Variants in MSH3 observed in about 807,000 individuals in gnomAD.
MSH3 encodes mutS homolog 3, also known as DNA mismatch repair protein Msh3.
In MSH3, 106 loss-of-function variants were observed where a neutral mutation model predicts 123.3. The observed-to-expected ratio is 0.86, with a 90% CI of 0.73 to 1.01. MSH3 has a LOEUF of 1.01. MSH3 is among the 50% of genes least tolerant of loss of function. The pLI, the probability that MSH3 is intolerant of heterozygous loss-of-function variation, is 0.00. For synonymous variants in MSH3, 515 were observed against 481.4 expected (o/e 1.07, Z -0.91); for missense variants, 1,459 against 1,347.6 (o/e 1.08, Z -1.29).
chr5:80,861,057 G>A (rs1311497871), intron 21 of MSH3, among the ~76,000 whole-genome samples: 3 of 152,082 alleles, frequency 2.0e-5, no homozygotes, highest in Non-Finnish European at 4.4e-5. Context: ...TTGCCCATCT[G>A]TTATTGCATG....
At chr5:80,823,238 A>C (rs887227868) in intron 20 of MSH3, among the ~76,000 whole-genome samples, 2 of 152,206 alleles carry the variant, frequency 1.3e-5, no homozygotes, top group African/African-American at 2.4e-5. Flanking sequence ...TAAATTTTTA[A>C]ATTTCTAAAA....
At position 80,761,698 on chromosome 5, in the gene MSH3, A is replaced by C. The variant is rs745554144; in HGVS notation, c.1896+20A>C. On this transcript the variant is annotated intron_variant, in intron 13 of 23. Coordinates refer to ENST00000265081, the MANE Select transcript of MSH3 (RefSeq NM_002439.5). ...AAAAAAGTAAGTGTGATAGAAATCT[A>C]TTAAAGCTGACAGTGTTCTTCAGCT... 1 of 1,613,962 alleles carries C rather than the reference A, an allele frequency of 6.2e-7. No individual in the cohort carries two copies. Among genetic ancestry groups the C allele is most frequent in the East Asian group, 2.2e-5 (1 of 44,852 alleles).
chr5:80,779,254 A>G (rs535869253), intron 17 of MSH3, among the ~76,000 whole-genome samples: 22 of 152,208 alleles, frequency 1.4e-4, no homozygotes, highest in Admixed American at 1.4e-3. Flanking sequence ...CAGCCTCCCA[A>G]AGTGCTGGGA....
intron 8 of MSH3, among the ~76,000 whole-genome samples, chr5:80,690,238 C>G (rs1490232010): frequency 6.6e-6 from 1 of 152,130 alleles, no homozygotes; most frequent in Non-Finnish European, 1.5e-5. Context: ...CTTTTTCTTT[C>G]TTCAAACCAC....
intron 12 of MSH3, among the ~76,000 whole-genome samples, chr5:80,750,078 AGTGT>A (rs57762095): frequency 4.8e-4 from 65 of 134,258 alleles, no homozygotes; most frequent in Admixed American, 7.5e-4. Flanking sequence ...AGTATTCCAG[AGTGT>A]GTGTGTGTGT....
intron 19 of MSH3, among the ~76,000 whole-genome samples, chr5:80,808,284 A>G (rs1452045339): frequency 6.6e-6 from 1 of 152,144 alleles, no homozygotes; most frequent in Non-Finnish European, 1.5e-5. Flanking sequence ...GTGATCTGCC[A>G]ATGACAGTTT....
chr5:80,700,171 G>A (rs1413134303), intron 8 of MSH3, among the ~76,000 whole-genome samples: 5 of 152,158 alleles, frequency 3.3e-5, no homozygotes, highest in Admixed American at 1.3e-4. Flanking sequence ...CTTGAGGTCC[G>A]GAGTTCAAGG....
At chr5:80,720,764 T>C (rs1244997129) in intron 8 of MSH3, among the ~76,000 whole-genome samples, 4 of 152,186 alleles carry the variant, frequency 2.6e-5, no homozygotes, top group African/African-American at 9.6e-5. Context: ...TGGGTCCTTT[T>C]CTATTACTCA....
intron 8 of MSH3, among the ~76,000 whole-genome samples, chr5:80,724,934 G>T (rs1743243000): frequency 6.6e-6 from 1 of 152,082 alleles, no homozygotes; most frequent in East Asian, 1.9e-4. Context: ...AAAGTACTTG[G>T]CCAGGCGCAG....
At chr5:80,717,560 AT>A (rs767851566) in intron 8 of MSH3, among the ~76,000 whole-genome samples, 2 of 152,112 alleles carry the variant, frequency 1.3e-5, no homozygotes, top group Non-Finnish European at 2.9e-5. Context: ...TAGTAGGTCT[AT>A]TTTAAGTTTT....
intron 19 of MSH3, among the ~76,000 whole-genome samples, chr5:80,794,940 A>G (rs1322570747): frequency 6.6e-6 from 1 of 152,194 alleles, no homozygotes; most frequent in Non-Finnish European, 1.5e-5. Flanking sequence ...CCCAAATGAG[A>G]GAGCTGCAGG....
intron 20 of MSH3, among the ~76,000 whole-genome samples, chr5:80,819,783 G>T (rs556345256): frequency 6.6e-6 from 1 of 152,136 alleles, no homozygotes; most frequent in South Asian, 2.1e-4. Context: ...CACTGCGCCC[G>T]GCCAAAAACA....
chr5:80,672,819 T>C lies in MSH3; in HGVS notation c.988T>C (p.Leu330=), dbSNP rs776070993. 2 of 1,613,132 alleles carry C rather than the reference T, an allele frequency of 1.2e-6. No homozygotes were observed. The highest frequency in any genetic ancestry group is 1.7e-6 in the Non-Finnish European group (2 of 1,179,652). The change falls in exon 6 of 24, where the codon TTG becomes CTG. Residue 330 remains leucine, a synonymous_variant. Coordinates refer to ENST00000265081, the MANE Select transcript of MSH3 (RefSeq NM_002439.5). ...CAGAAGTTCACTCTTTTCCCGGAAA[T>C]TGACTGCCCTTTATACAAAATCTAC... The part of the protein sequence containing the change: ...DNRSSLFSRK[L]TALYTKSTLI...
At chr5:80,846,436 A>C (rs182738082) in intron 20 of MSH3, among the ~76,000 whole-genome samples, 1 of 152,022 alleles carries the variant, frequency 6.6e-6, no homozygotes, top group Non-Finnish European at 1.5e-5. Context: ...TGCTGTCTTC[A>C]TAGTTGTCAG....
chr5:80,777,792 CAAA>C lies in MSH3; in HGVS notation c.2319-923_2319-921del, dbSNP rs367551131. Among the ~76,000 whole-genome samples, 1,336 of 151,890 alleles carry C rather than the reference CAAA, an allele frequency of 8.8e-3. 6 individuals are homozygous for C. The highest frequency in any genetic ancestry group is 0.045 in the Middle Eastern group (13 of 292). On this transcript the variant is annotated intron_variant, in intron 16 of 23. Transcript: ENST00000265081. ...ACAGTGTATTACAAGAGTTGGGGAG[CAAA>C]AAAAGACCAGACACCTTGACCTTTT...
chr5:80,702,044 A>G (rs1364270279), intron 8 of MSH3, among the ~76,000 whole-genome samples: 1 of 152,170 alleles, frequency 6.6e-6, no homozygotes, highest in Non-Finnish European at 1.5e-5. Flanking sequence ...ACCCTCTGAT[A>G]CTTGATTTTG....
intron 10 of MSH3, among the ~76,000 whole-genome samples, chr5:80,732,565 A>G (rs1429952110): frequency 2.6e-5 from 4 of 152,170 alleles, no homozygotes; most frequent in African/African-American, 9.6e-5. Flanking sequence ...CCAAATTTCA[A>G]CACTCCAAAA....
At chr5:80,834,311 C>A (rs1326192969) in intron 20 of MSH3, among the ~76,000 whole-genome samples, 1 of 151,710 alleles carries the variant, frequency 6.6e-6, no homozygotes, top group Non-Finnish European at 1.5e-5. Context: ...TGTATCTAAT[C>A]TGCAGAGTGA....
intron 20 of MSH3, among the ~76,000 whole-genome samples, chr5:80,818,229 C>G (rs1745139203): frequency 6.6e-6 from 1 of 151,796 alleles, no homozygotes; most frequent in Non-Finnish European, 1.5e-5. Context: ...AAAAGAAAAT[C>G]AAACTGAAAC....
Sources: allele counts gnomAD v4.1 joint callset (sites outside exome capture counted in the v4.1 genomes callset), GRCh38; gene constraint gnomAD v4.1.1; transcripts MANE v1.5; gene names NCBI Gene and HGNC (gene_info 2026-07-23, HGNC 2026-07-21).